Variants in RYR2 observed in about 807,000 individuals in gnomAD.
RYR2 encodes the protein cardiac muscle ryanodine receptor-calcium release channel.
RYR2 carries 227 observed loss-of-function variants against 601.1 expected under a neutral mutation model. The observed-to-expected ratio is 0.38, with a 90% confidence interval of 0.34 to 0.42. The LOEUF (loss-of-function observed/expected upper bound fraction) is 0.42. Among genes scored for constraint, RYR2 ranks in the 10% least tolerant of loss-of-function variants. The probability of loss-of-function intolerance (pLI) is 1.00; values close to 1 mark genes in which losing one functional copy is unlikely to be tolerated. For synonymous variants in RYR2, 2,223 were observed against 2,175.1 expected (o/e 1.02, Z -0.61); for missense variants, 4,646 against 6,156.5 (o/e 0.75, Z 8.21).
At chr1:237,698,516 A>T (rs943900411) in intron 63 of RYR2, among the ~76,000 whole-genome samples, 4 of 152,186 alleles carry the variant, frequency 2.6e-5, no homozygotes, top group African/African-American at 9.6e-5. Context: ...ATTCATCTTA[A>T]TGCAGTGGGA....
At chr1:237,211,806 C>T (rs1439083267) in intron 1 of RYR2, among the ~76,000 whole-genome samples, 3 of 152,138 alleles carry the variant, frequency 2.0e-5, no homozygotes, top group Admixed American at 6.5e-5. Flanking sequence ...GTGAGCCACT[C>T]CCCTTAATGT....
At chr1:237,613,341 T>C (rs1481070585) in intron 36 of RYR2, among the ~76,000 whole-genome samples, 1 of 152,232 alleles carries the variant, frequency 6.6e-6, no homozygotes, top group African/African-American at 2.4e-5. Context: ...GTCTATATTA[T>C]TCACCATTGT....
chr1:237,765,676 T>A (rs1318831914), intron 84 of RYR2, among the ~76,000 whole-genome samples: 1 of 152,230 alleles, frequency 6.6e-6, no homozygotes. Context: ...CTTTCACAAG[T>A]GTAGTTTAGT....
chr1:237,046,534 A>G (rs1660630621), intron 1 of RYR2, among the ~76,000 whole-genome samples: 1 of 152,212 alleles, frequency 6.6e-6, no homozygotes, highest in South Asian at 2.1e-4. Context: ...TTTCCCAAGG[A>G]ACTGATGGAA....
At chr1:237,093,798 C>T (rs1341033781) in intron 1 of RYR2, among the ~76,000 whole-genome samples, 2 of 152,172 alleles carry the variant, frequency 1.3e-5, no homozygotes, top group Admixed American at 1.3e-4. Context: ...TGATGCTTTT[C>T]CTGTAATTGA....
intron 24 of RYR2, among the ~76,000 whole-genome samples, chr1:237,525,305 T>G (rs533352691): frequency 4.5e-4 from 69 of 152,320 alleles, no homozygotes; most frequent in African/African-American, 1.6e-3. Context: ...TTCATTCTTT[T>G]TCGTGGCTGT....
At chr1:237,826,392 A>G (rs1381203516) in intron 101 of RYR2, among the ~76,000 whole-genome samples, 1 of 152,214 alleles carries the variant, frequency 6.6e-6, no homozygotes, top group Non-Finnish European at 1.5e-5. Context: ...GGAAACCATC[A>G]TTCTCAGCAA....
chr1:237,289,856 G>A (rs896068929), intron 2 of RYR2, among the ~76,000 whole-genome samples: 3 of 152,154 alleles, frequency 2.0e-5, no homozygotes, highest in Non-Finnish European at 4.4e-5. Flanking sequence ...TTTTTTGTCA[G>A]CATAACTTTC....
At chr1:237,618,403 A>G (rs1412597200) in intron 38 of RYR2, among the ~76,000 whole-genome samples, 2 of 152,154 alleles carry the variant, frequency 1.3e-5, no homozygotes, top group Non-Finnish European at 2.9e-5. Context: ...CCTGGACATT[A>G]CAAAGAAGAC....
intron 1 of RYR2, among the ~76,000 whole-genome samples, chr1:237,060,496 T>C (rs551985055): frequency 1.8e-4 from 28 of 152,318 alleles, no homozygotes; most frequent in African/African-American, 6.0e-4. Context: ...GTGAACGCAG[T>C]TGTGTAACTA....
intron 77 of RYR2, among the ~76,000 whole-genome samples, 190 bp from the exon 78 acceptor site, chr1:237,731,856 T>C (rs1414088254): frequency 2.0e-5 from 3 of 150,536 alleles, no homozygotes; most frequent in African/African-American, 7.3e-5. Context: ...CATACACACA[T>C]ATATACATAT....
intron 1 of RYR2, among the ~76,000 whole-genome samples, chr1:237,207,267 T>TA (rs202134548): frequency 2.6e-5 from 4 of 151,924 alleles, no homozygotes; most frequent in African/African-American, 7.3e-5. Context: ...TGAAGGCCTT[T>TA]AAAAAAAAGT....
chr1:237,121,482 A>G (rs116805120), intron 1 of RYR2, among the ~76,000 whole-genome samples: 286 of 152,358 alleles, frequency 1.9e-3, no homozygotes, highest in African/African-American at 6.4e-3. Context: ...ATAATTTCCA[A>G]GAAAAGTTAG....
At chr1:237,829,588 T>C (rs1663544035) in intron 102 of RYR2, among the ~76,000 whole-genome samples, 1 of 152,156 alleles carries the variant, frequency 6.6e-6, no homozygotes, top group East Asian at 1.9e-4. Context: ...AGAGACATCA[T>C]TGGAGTGGTA....
At chr1:237,234,282 C>T (rs1385790273) in intron 1 of RYR2, among the ~76,000 whole-genome samples, 3 of 152,184 alleles carry the variant, frequency 2.0e-5, no homozygotes, top group Non-Finnish European at 4.4e-5. Flanking sequence ...TAAGAAGTGG[C>T]TGGAACCTTG....
At chr1:237,677,272 CAT>C (rs908915885) in intron 60 of RYR2, among the ~76,000 whole-genome samples, 1 of 152,128 alleles carries the variant, frequency 6.6e-6, no homozygotes, top group Non-Finnish European at 1.5e-5. Context: ...ATATGTTCTG[CAT>C]GCCATCGTTG....
chr1:237,154,269 T>A (rs1675062042), intron 1 of RYR2, among the ~76,000 whole-genome samples: 1 of 152,236 alleles, frequency 6.6e-6, no homozygotes, highest in African/African-American at 2.4e-5. Flanking sequence ...CATTGTTATT[T>A]TATGATGACA....
chr1:237,757,570 C>T, intron 81 of RYR2, 127 bp from the exon 82 acceptor site: 2 of 624,232 alleles, frequency 3.2e-6, no homozygotes, highest in Non-Finnish European at 5.8e-6. Context: ...AGTCAGTCTC[C>T]CTATGCCATT....
chr1:237,399,400 G>A (rs1193060504), intron 10 of RYR2, among the ~76,000 whole-genome samples: 2 of 152,088 alleles, frequency 1.3e-5, no homozygotes, highest in African/African-American at 4.8e-5. Flanking sequence ...AAATGAGAGG[G>A]AGGTGGATGT....
Sources: allele counts gnomAD v4.1 joint callset (sites outside exome capture counted in the v4.1 genomes callset), GRCh38; gene constraint gnomAD v4.1.1; transcripts MANE v1.5; gene names NCBI Gene and HGNC (gene_info 2026-07-23, HGNC 2026-07-21).